PTCHD1: variants seen among roughly 807,000 people sequenced by gnomAD.
PTCHD1 encodes the protein patched domain containing 1.
In PTCHD1, 3 loss-of-function variants were observed where a neutral mutation model predicts 34.6. That is an observed-to-expected ratio of 0.09 (90% CI 0.04 to 0.22). The LOEUF is 0.22. PTCHD1 is among the 10% of genes least tolerant of loss of function. The probability of loss-of-function intolerance (pLI) is 1.00; values close to 1 mark genes in which losing one functional copy is unlikely to be tolerated. For synonymous variants in PTCHD1, 305 were observed against 283.1 expected (o/e 1.08, Z -0.77); for missense variants, 504 against 685.5 (o/e 0.74, Z 2.96).
chrX:23,354,984 A>G (rs16997602), intron 1 of PTCHD1, among the ~76,000 whole-genome samples: 24,455 of 93,584 alleles, frequency 0.26, 2,487 homozygotes, highest in South Asian at 0.41. Flanking sequence ...CTCCAGAGAA[A>G]TCGTTCATTT....
chrX:23,377,340 T>C (rs1922436317), intron 1 of PTCHD1, among the ~76,000 whole-genome samples: 1 of 112,440 alleles, frequency 8.9e-6, no homozygotes, highest in Admixed American at 9.4e-5. Context: ...AAACTCTCTC[T>C]TGTCTTTAAA....
chrX:23,363,273 G>A (rs1413883934), intron 1 of PTCHD1, among the ~76,000 whole-genome samples: 1 of 112,799 alleles, frequency 8.9e-6, no homozygotes, highest in Non-Finnish European at 1.9e-5. Context: ...ATCTACAGAG[G>A]CAACAGGCCT....
chrX:23,390,359 A>G (rs992910313), intron 2 of PTCHD1, among the ~76,000 whole-genome samples: 1 of 109,782 alleles, frequency 9.1e-6, no homozygotes, highest in African/African-American at 3.3e-5. Flanking sequence ...AAAAAACAAT[A>G]TTATTTCTTC....
At chrX:23,341,511 A>G (rs957194004) in intron 1 of PTCHD1, among the ~76,000 whole-genome samples, 4 of 111,946 alleles carry the variant, frequency 3.6e-5, no homozygotes, top group African/African-American at 1.3e-4. Context: ...GTGAGCCCCA[A>G]GTGATACTTG....
chrX:23,344,259 C>T (rs2146611448), intron 1 of PTCHD1, among the ~76,000 whole-genome samples: 1 of 112,245 alleles, frequency 8.9e-6, no homozygotes, highest in Non-Finnish European at 1.9e-5. Context: ...CCTAACCTCC[C>T]TGAGAAACAC....
At chrX:23,342,312 T>A (rs570358892) in intron 1 of PTCHD1, among the ~76,000 whole-genome samples, 194 of 8,762 alleles carry the variant, frequency 0.022, no homozygotes, top group Middle Eastern at 0.053. Flanking sequence ...ATATATATAT[T>A]TTTTTTTTTT....
intron 1 of PTCHD1, among the ~76,000 whole-genome samples, chrX:23,364,897 A>G (rs1374063494): frequency 8.9e-6 from 1 of 112,657 alleles, no homozygotes; most frequent in African/African-American, 3.2e-5. Context: ...GTAAAAGCCA[A>G]ACAAATGCCT....
chrX:23,335,974 T>A (rs1921160349), intron 1 of PTCHD1, among the ~76,000 whole-genome samples: 1 of 111,260 alleles, frequency 9.0e-6, no homozygotes, highest in South Asian at 4.0e-4. Flanking sequence ...CAATCCACTT[T>A]TATTTGGGTG....
At chrX:23,334,786 C>CCG (rs1477430841), upstream of PTCHD1, 3 of 380,888 alleles carry the variant, frequency 7.9e-6, no homozygotes, top group African/African-American at 3.0e-5. Flanking sequence ...GCGGGCGCCG[C>CCG]TGCCGCCGCC....
chrX:23,345,990 C>G (rs892210753), intron 1 of PTCHD1, among the ~76,000 whole-genome samples: 1 of 111,290 alleles, frequency 9.0e-6, no homozygotes, highest in Admixed American at 9.5e-5. Context: ...GAAAGGACAC[C>G]CTGAGATGGA....
Position 23,392,051 on chromosome X carries a change from CTTTCTTT to C in PTCHD1, c.1013-472_1013-466del, listed in dbSNP as rs1351108960. On this transcript the variant is annotated intron_variant, in intron 2 of 2. Coordinates refer to ENST00000379361, the MANE Select transcript of PTCHD1 (RefSeq NM_173495.3). ...TGTTTCATTTTCTTTCTTTTTTTTTCTTTCTTTTTTCTTTCTTTCTTTCTTTTTTTTT... is the reference window on the plus strand; with the variant it reads ...TGTTTCATTTTCTTTCTTTTTTTTTCTTTCTTTCTTTCTTTCTTTTTTTTT... 2.1e-4 allele frequency among the ~76,000 whole-genome samples: 15 copies of C among 72,049 alleles called. No individual in the cohort carries two copies. In the East Asian group the frequency reaches 5.5e-3, roughly 27 times the overall value. The allele number at this position is 72,049 out of a possible 115,157, so 62.6% of individuals were successfully genotyped here. A position where few individuals can be genotyped will look rare whatever the true frequency, so the allele number is the denominator to read the frequency against.
chrX:23,371,080 C>G (rs1344165849), intron 1 of PTCHD1, among the ~76,000 whole-genome samples: 1 of 111,748 alleles, frequency 8.9e-6, no homozygotes, highest in Non-Finnish European at 1.9e-5. Flanking sequence ...CGCTATTCAA[C>G]TACTTTTTAA....
chrX:23,367,957 G>C (rs1368537009), intron 1 of PTCHD1, among the ~76,000 whole-genome samples: 1 of 110,547 alleles, frequency 9.0e-6, no homozygotes, highest in African/African-American at 3.3e-5. Context: ...TATTGTTCCT[G>C]TGAAATTAAC....
intron 1 of PTCHD1, among the ~76,000 whole-genome samples, chrX:23,346,239 T>C (rs1921474011): frequency 1.8e-5 from 2 of 112,108 alleles, no homozygotes; most frequent in African/African-American, 6.5e-5. Flanking sequence ...AAAGAACAAG[T>C]TACTCAAAAC....
chrX:23,336,979 C>G (rs1184799640), intron 1 of PTCHD1, among the ~76,000 whole-genome samples: 2 of 111,096 alleles, frequency 1.8e-5, no homozygotes, highest in South Asian at 3.9e-4. Flanking sequence ...TTTCCCCCCC[C>G]ACCCACAAAC....
intron 1 of PTCHD1, among the ~76,000 whole-genome samples, chrX:23,376,262 A>G (rs1263058635): frequency 8.9e-6 from 1 of 112,589 alleles, no homozygotes; most frequent in Non-Finnish European, 1.9e-5. Flanking sequence ...CCACAGACTT[A>G]GACCACATTA....
rs956134868 is a variant in PTCHD1, at chrX:23,402,066, G to A, written c.*7881G>A. On this transcript the variant is annotated 3_prime_UTR_variant, in exon 3 of 3. Transcript: ENST00000379361. ...GAAGGGGGAAAGAAGTGGTGAGGAA[G>A]AATATATGGGGTGATCCCTCCAAAT... The A allele has an allele frequency of 1.8e-5, 2 of 112,074 alleles. No individual in the cohort carries two copies. Among genetic ancestry groups the A allele is most frequent in the African/African-American group, 6.5e-5 (2 of 30,791 alleles). The allele number at this position is 112,074 out of a possible 1,213,427, so 9.2% of individuals were successfully genotyped here.
chrX:23,362,525 T>C (rs1922016102), intron 1 of PTCHD1, among the ~76,000 whole-genome samples: 2 of 112,233 alleles, frequency 1.8e-5, no homozygotes, highest in Admixed American at 9.4e-5. Flanking sequence ...TAACCATTCA[T>C]CTAATCTTTT....
chrX:23,378,127 G>A (rs1326720630), intron 1 of PTCHD1, among the ~76,000 whole-genome samples: 2 of 111,867 alleles, frequency 1.8e-5, no homozygotes, highest in African/African-American at 6.5e-5. Context: ...TTTGCACACG[G>A]GCCACATTTT....
Sources: allele counts gnomAD v4.1 joint callset (sites outside exome capture counted in the v4.1 genomes callset), GRCh38; gene constraint gnomAD v4.1.1; transcripts MANE v1.5; gene names NCBI Gene and HGNC (gene_info 2026-07-23, HGNC 2026-07-21).